The following TEP1 variants were observed in gnomAD, a reference collection of about 807,000 sequenced individuals.
TEP1 encodes telomerase protein component 1.
TEP1 carries 241 observed loss-of-function variants against 306.3 expected under a neutral mutation model. The ratio of observed to expected loss-of-function variants is 0.79; its 90% CI spans 0.71 to 0.88. The LOEUF (loss-of-function observed/expected upper bound fraction) is 0.88. Ranked by LOEUF, TEP1 falls within the 40% of genes least tolerant of loss-of-function variation. TEP1 has a pLI of 0.00. For synonymous variants in TEP1, 1,289 were observed against 1,305.5 expected, an observed-to-expected ratio of 0.99 and a Z score of 0.27; for missense variants, 3,051 against 3,276.1, an observed-to-expected ratio of 0.93 and a Z score of 1.68.
At chr14:20,393,558 G>A (rs1469035069) in intron 12 of TEP1, among the ~76,000 whole-genome samples, 3 of 152,158 alleles carry the variant, frequency 2.0e-5, no homozygotes, top group African/African-American at 2.4e-5. Context: ...TTGGGAGGCC[G>A]AGGTAGTTGG....
chr14:20,378,801 G>A lies in TEP1; in HGVS notation c.5305C>T (p.Pro1769Ser). Residue 1769 changes from proline (P) to serine (S), a missense_variant, in exon 37 of 55, where the codon CCA becomes TCA. This residue lies in a region of TEP1 where 1,540 missense variants were observed against 1,705.9 expected (regional missense o/e 0.90). Transcript: ENST00000262715. The stretch of plus-strand genomic sequence containing the variant: ...ACGGTGGCTAGCAGCCGGCAGTCTG[G>A]GCTCAGGCAGCAGCCAGTGATTTGG... ...QYQITGCCLS[P>S]DCRLLATVCL... The A allele has an allele frequency of 6.2e-7, 1 of 1,614,146 alleles. No individual in the cohort carries two copies. The highest frequency in any genetic ancestry group is 8.5e-7 in the Non-Finnish European group (1 of 1,180,030).
At position 20,378,966 on chromosome 14, in the gene TEP1, G is replaced by A; in HGVS notation, c.5252+15C>T. On this transcript the variant is annotated intron_variant, in intron 36 of 54. Transcript: ENST00000262715. ...GAAGGCCCTCATTCCAAGACAAATG[G>A]GGAGGACCCCTTACCGACAACCATG... 1 of 1,614,152 alleles carries A rather than the reference G, an allele frequency of 6.2e-7. No homozygotes were observed.
Position 20,407,959 on chromosome 14 carries a change from G to C in TEP1, c.481C>G (p.His161Asp). 1 of 1,614,216 alleles carries C rather than the reference G, an allele frequency of 6.2e-7. No homozygotes were observed. Among genetic ancestry groups the C allele is most frequent in the Non-Finnish European group, 8.5e-7 (1 of 1,180,034 alleles). Residue 161 changes from histidine to aspartate, a missense_variant, in exon 2 of 55, where the codon CAT becomes GAT. Physicochemically the swap from His to Asp is moderately conservative, Grantham distance 81. This residue lies in a region of TEP1 where 1,507 missense variants were observed against 1,550.5 expected (regional missense o/e 0.97). Coordinates refer to ENST00000262715, the MANE Select transcript of TEP1 (RefSeq NM_007110.5). ...LSEPPSWRAQ[H>D]FSKGLDLSTC... is the part of the protein sequence containing the mutation. The stretch of plus-strand genomic sequence containing the variant: ...GAAAGGTCTAGTCCCTTAGAGAAAT[G>C]CTGAGCCCTCCAACTTGGAGGCTCA...
chr14:20,401,188 A>T (rs753076343), intron 8 of TEP1, 47 bp from the exon 9 acceptor site: 1 of 1,600,860 alleles, frequency 6.2e-7, no homozygotes, highest in South Asian at 1.1e-5. Context: ...GTCAGCAAGA[A>T]AATAACTCAG....
Position 20,391,681 on chromosome 14 carries a change from G to C in TEP1, c.2015C>G (p.Pro672Arg). The C allele has an allele frequency of 6.2e-7, 1 of 1,614,180 alleles. No individual in the cohort carries two copies. The highest frequency in any genetic ancestry group is 8.5e-7 in the Non-Finnish European group (1 of 1,180,028). ...CAAGACAGTGCGGCCTGGCAGCAGG[G>C]GCAGGCTGTGCTTCACAGAGAGGTT... ...AVNLSVKHSL[P>R]LLPGRTVLVY... The change falls in exon 13 of 55, where the codon CCC becomes CGC. Residue 672 changes from proline to arginine, a missense_variant. This residue lies in a region of TEP1 where 1,507 missense variants were observed against 1,550.5 expected (regional missense o/e 0.97). Transcript: ENST00000262715.
Position 20,384,136 on chromosome 14 carries a change from G to A in TEP1, c.3436C>T (p.Pro1146Ser), listed in dbSNP as rs1439846029. 1.9e-6 allele frequency: 3 copies of A among 1,614,006 alleles called. No individual in the cohort carries two copies. The highest frequency in any genetic ancestry group is 2.5e-6 in the Non-Finnish European group (3 of 1,180,048). Reference sequence around the variant, plus strand: ...TGCACTGTGTCCTGAAGAAGGCGTGGCCGGGCAGGACTCGGTGGCTTCTGC... The same window carrying A: ...TGCACTGTGTCCTGAAGAAGGCGTGACCGGGCAGGACTCGGTGGCTTCTGC... ...QLQKPPSPAR[P>S]RLLQDTVQRL... The change falls in exon 24 of 55, where the codon CCA becomes TCA. Residue 1146 changes from proline (P) to serine (S), a missense_variant. Pro to Ser is a moderately conservative substitution (Grantham distance 74). Coordinates refer to ENST00000262715, the MANE Select transcript of TEP1 (RefSeq NM_007110.5).
rs1282905894 is a variant in TEP1, at chr14:20,369,210, G to A, written c.7656+134C>T. 5.7e-5 allele frequency: 50 copies of A among 877,792 alleles called. No individual in the cohort carries two copies. The East Asian group carries it at 9.8e-4, about 17-fold the overall frequency. The allele number at this position is 877,792 out of a possible 1,614,324, so 54.4% of individuals were successfully genotyped here. A position where few individuals can be genotyped will look rare whatever the true frequency, so the allele number is the denominator to read the frequency against. On this transcript the variant is annotated intron_variant, in intron 53 of 54. Coordinates refer to ENST00000262715, the MANE Select transcript of TEP1 (RefSeq NM_007110.5). ...TTTTTAGTAGAGATGGGGTTTCACC[G>A]TGTTAGCCAGGATGGTCTTGATCTC... is the stretch of plus-strand genomic sequence containing the variant.
intron 3 of TEP1, 128 bp downstream of exon 3, chr14:20,406,105 G>A (rs901588872): frequency 2.9e-5 from 21 of 727,300 alleles, no homozygotes; most frequent in Non-Finnish European, 4.3e-5. Flanking sequence ...ATTAGGAAGT[G>A]AGAAATAAGA....
Position 20,381,362 on chromosome 14 carries a change from G to T in TEP1, c.4598C>A (p.Thr1533Asn), listed in dbSNP as rs746891466. 1.9e-6 allele frequency: 3 copies of T among 1,614,206 alleles called. No homozygotes were observed. In the Admixed American group the frequency reaches 5.0e-5, roughly 27 times the overall value. Residue 1533 changes from threonine (T) to asparagine (N), a missense_variant, in exon 32 of 55, where the codon ACC (threonine) becomes AAC (asparagine). This residue lies in a region of TEP1 where 1,540 missense variants were observed against 1,705.9 expected (regional missense o/e 0.90). Coordinates refer to ENST00000262715, the MANE Select transcript of TEP1 (RefSeq NM_007110.5). This position sits in a 1 kb window ranked among gnomAD's most constrained non-coding sequence, Gnocchi z 4.0. ...AGCCTCAGGAGGGCAACTTCGGAAG[G>T]TGCCTGAGGCATCAGCGTCACATGT... is the stretch of plus-strand genomic sequence containing the variant. ...WKTCDADASG[T>N]FRSCPPEALG...
chr14:20,398,508 A>AG lies in TEP1; in HGVS notation c.1550-1779_1550-1778insC, dbSNP rs1878407251. On this transcript the variant is annotated intron_variant, in intron 9 of 54. Transcript: ENST00000262715. Reference sequence around the variant, plus strand: ...TCAAATTATATAGAAACCAAAATTAAAAAAAAAAAAGAGTGAAGGGGTGAC... The same window carrying AG: ...TCAAATTATATAGAAACCAAAATTAAGAAAAAAAAAAGAGTGAAGGGGTGAC... Among the ~76,000 whole-genome samples, 3 of 148,090 alleles carry AG rather than the reference A, an allele frequency of 2.0e-5. No individual in the cohort carries two copies. In the South Asian group the frequency reaches 6.3e-4, roughly 31 times the overall value.
intron 12 of TEP1, 121 bp downstream of exon 12, chr14:20,395,329 C>T (rs1878104580): frequency 2.1e-6 from 2 of 971,568 alleles, no homozygotes; most frequent in Non-Finnish European, 3.0e-6. Context: ...AGTTCTGAGC[C>T]ACTGCGATGA....
At position 20,371,525 on chromosome 14, in the gene TEP1, AG is replaced by A. The variant is rs1884839742; in HGVS notation, c.7183del (p.Leu2395PhefsTer3). On this transcript the variant is annotated frameshift_variant, in exon 50 of 55. Coordinates refer to ENST00000262715, the MANE Select transcript of TEP1 (RefSeq NM_007110.5). LOFTEE classifies it high-confidence loss of function. ...TGGAGCATCCCCTGGCTTCATGCAA[AG>A]TAACTTCAAATCTGCTTTGGCCAAG... ...LILAKADLKL[L>X]CMKPGDAPSE... 6.2e-7 allele frequency: 1 copy of A among 1,608,250 alleles called. No individual in the cohort carries two copies. Among genetic ancestry groups the A allele is most frequent in the Admixed American group, 1.7e-5 (1 of 57,586 alleles).
Position 20,382,310 on chromosome 14 carries a change from A to G in TEP1, c.4187T>C (p.Leu1396Pro), listed in dbSNP as rs763705729. 1 of 1,613,830 alleles carries G rather than the reference A, an allele frequency of 6.2e-7. No homozygotes were observed. The highest frequency in any genetic ancestry group is 8.5e-7 in the Non-Finnish European group (1 of 1,179,872). ...CTCCAGTGTGCTCAGGATGTGCTGC[A>G]GCAGCAGGGGGACAGTGGCAGGCAG... ...RTLPATVPLL[L>P]QHILSTLEKE... Residue 1396 changes from leucine to proline, a missense_variant, in exon 29 of 55, where the codon CTG becomes CCG. By Grantham distance (98) the Leu-to-Pro change is moderately conservative (BLOSUM62 -3). Transcript: ENST00000262715.
Position 20,384,655 on chromosome 14 carries a change from G to A in TEP1, c.3166C>T (p.Arg1056Trp), listed in dbSNP as rs1311454846. The A allele has an allele frequency of 8.7e-6, 14 of 1,613,690 alleles. No homozygotes were observed. Among genetic ancestry groups the A allele is most frequent in the East Asian group, 2.2e-5 (1 of 44,878 alleles). The change falls in exon 22 of 55, where the codon CGG (arginine) becomes TGG (tryptophan). Residue 1056 changes from arginine to tryptophan, a missense_variant. Transcript: ENST00000262715. Reference protein sequence around the residue: ...FVSESEEAARRISELKSYLSR... With the variant: ...FVSESEEAARWISELKSYLSR... Reference sequence around the variant, plus strand: ...AGGTAGCTCTTCAGTTCTGAGATCCGACGTGCGGCCTCTTCAGACTCAGAA... The same window carrying A: ...AGGTAGCTCTTCAGTTCTGAGATCCAACGTGCGGCCTCTTCAGACTCAGAA...
chr14:20,403,701 G>A (rs747733923), intron 6 of TEP1, 22 bp downstream of exon 6: 55 of 1,612,794 alleles, frequency 3.4e-5, no homozygotes, highest in African/African-American at 1.9e-4. Context: ...GGCGTGGGTC[G>A]AGGGCTGGGG....
intron 1 of TEP1, among the ~76,000 whole-genome samples, chr14:20,412,752 G>T (rs917062506): frequency 7.2e-6 from 1 of 139,538 alleles, no homozygotes. Context: ...TCTGCCTGCC[G>T]AGTTCAAGCG....
intron 9 of TEP1, chr14:20,400,660 T>C (rs922635391): frequency 8.1e-6 from 2 of 246,550 alleles, no homozygotes; most frequent in Non-Finnish European, 1.6e-5. Flanking sequence ...CAATATGCCA[T>C]GTGCCAGTCC....
chr14:20,369,913 C>T (rs992533206), intron 51 of TEP1, 134 bp from the exon 52 acceptor site: 38 of 584,052 alleles, frequency 6.5e-5, no homozygotes, highest in African/African-American at 1.2e-4. Flanking sequence ...CAATCAAGTG[C>T]GCAAATTTTT....
Position 20,382,213 on chromosome 14 carries a change from C to T in TEP1, c.4273+11G>A, listed in dbSNP as rs754374075. The stretch of plus-strand genomic sequence containing the variant: ...CCTCAGCCTCCCAACCAACCCACCC[C>T]AAGCACTGACCACTCCGTGTGACTT... On this transcript the variant is annotated intron_variant, in intron 29 of 54. Coordinates refer to ENST00000262715, the MANE Select transcript of TEP1 (RefSeq NM_007110.5). The T allele has an allele frequency of 1.1e-5, 18 of 1,614,150 alleles. No homozygotes were observed. In the Admixed American group the frequency reaches 2.5e-4, roughly 22 times the overall value.
Sources: gnomAD v4.1 joint callset for allele counts (sites outside exome capture counted in the v4.1 genomes callset) on GRCh38, gnomAD v4.1.1 for gene constraint, gnomAD v4.1.1 regional missense constraint, Gnocchi (gnomAD v3.1) non-coding constraint, MANE v1.5 for transcripts, NCBI Gene and HGNC (gene_info 2026-07-23, HGNC 2026-07-21) for gene names.